The following MSRB3 variants were observed in gnomAD, a reference collection of about 807,000 sequenced individuals.
The protein encoded by MSRB3 is methionine-R-sulfoxide reductase B3.
In MSRB3, 13 loss-of-function variants were observed where a neutral mutation model predicts 21.0. The observed-to-expected ratio is 0.62, with a 90% CI of 0.40 to 0.98. The LOEUF (loss-of-function observed/expected upper bound fraction) is 0.98. Among genes scored for constraint, MSRB3 ranks in the 50% least tolerant of loss-of-function variants. The probability of loss-of-function intolerance (pLI) is 0.00; values close to 1 mark genes in which losing one functional copy is unlikely to be tolerated. For synonymous variants in MSRB3, 87 were observed against 88.6 expected (o/e 0.98, Z 0.10); for missense variants, 199 against 230.3 (o/e 0.86, Z 0.88).
At chr12:65,304,198 T>C (rs965208606) in intron 1 of MSRB3, among the ~76,000 whole-genome samples, 3 of 152,148 alleles carry the variant, frequency 2.0e-5, no homozygotes, top group African/African-American at 7.2e-5. Context: ...ACCCTTTATA[T>C]TGGTTAGCAT....
chr12:65,357,119 A>T (rs1877429821), intron 4 of MSRB3, among the ~76,000 whole-genome samples: 1 of 151,838 alleles, frequency 6.6e-6, no homozygotes, highest in Non-Finnish European at 1.5e-5. Context: ...TCTTCCCCAT[A>T]TACTAAATGA....
chr12:65,331,884 G>A (rs1282249705), intron 4 of MSRB3, among the ~76,000 whole-genome samples: 4 of 152,226 alleles, frequency 2.6e-5, no homozygotes, highest in African/African-American at 9.6e-5. Flanking sequence ...AAGCCTGGAA[G>A]CAGAGAAACT....
intron 1 of MSRB3, among the ~76,000 whole-genome samples, chr12:65,301,105 C>G (rs548152267): frequency 1.3e-5 from 2 of 152,226 alleles, no homozygotes; most frequent in African/African-American, 4.8e-5. Flanking sequence ...TACACACACA[C>G]AGACACACAC....
intron 4 of MSRB3, among the ~76,000 whole-genome samples, chr12:65,346,138 T>G (rs1164443558): frequency 6.6e-6 from 1 of 152,010 alleles, no homozygotes; most frequent in African/African-American, 2.4e-5. Flanking sequence ...TTTCTAGTTC[T>G]AGATCCCTGA....
At chr12:65,395,933 G>A (rs1879754035) in intron 5 of MSRB3, among the ~76,000 whole-genome samples, 1 of 152,034 alleles carries the variant, frequency 6.6e-6, no homozygotes, top group African/African-American at 2.4e-5. Flanking sequence ...TATCAATATT[G>A]TTGATCTTTT....
At chr12:65,336,308 TA>T (rs145465864) in intron 4 of MSRB3, among the ~76,000 whole-genome samples, 1 of 152,334 alleles carries the variant, frequency 6.6e-6, no homozygotes, top group African/African-American at 2.4e-5. Context: ...ACTAGAAAAC[TA>T]TCGCAAGGCA....
intron 5 of MSRB3, among the ~76,000 whole-genome samples, chr12:65,434,573 C>T (rs561752557): frequency 2.0e-5 from 3 of 151,826 alleles, no homozygotes; most frequent in East Asian, 3.9e-4. Flanking sequence ...TATTAATAAG[C>T]GTTGGGACTT....
At chr12:65,385,170 C>T (rs562196286) in intron 5 of MSRB3, among the ~76,000 whole-genome samples, 42 of 152,124 alleles carry the variant, frequency 2.8e-4, no homozygotes, top group Non-Finnish European at 5.2e-4. Flanking sequence ...CAGCCTGTCT[C>T]CGAAAGGATA....
intron 4 of MSRB3, among the ~76,000 whole-genome samples, chr12:65,363,971 C>T (rs901464805): frequency 2.0e-5 from 3 of 152,112 alleles, no homozygotes; most frequent in African/African-American, 7.2e-5. Flanking sequence ...GAGATTCTGT[C>T]TTAAAAACAC....
intron 4 of MSRB3, among the ~76,000 whole-genome samples, chr12:65,352,882 A>T (rs1026529630): frequency 6.6e-6 from 1 of 151,790 alleles, no homozygotes; most frequent in African/African-American, 2.4e-5. Flanking sequence ...GAAAATGGCC[A>T]TACTGCCCAA....
At chr12:65,363,984 A>G (rs1008834355) in intron 4 of MSRB3, among the ~76,000 whole-genome samples, 1 of 152,128 alleles carries the variant, frequency 6.6e-6, no homozygotes, top group Non-Finnish European at 1.5e-5. Context: ...AAAAACACAC[A>G]AACAAACAAA....
intron 5 of MSRB3, among the ~76,000 whole-genome samples, chr12:65,406,196 A>G (rs561760948): frequency 6.6e-6 from 1 of 152,320 alleles, no homozygotes; most frequent in East Asian, 1.9e-4. Context: ...GTAGTTTTAC[A>G]GTTTCAAGTT....
intron 2 of MSRB3, among the ~76,000 whole-genome samples, chr12:65,309,577 G>A (rs758561947): frequency 6.6e-6 from 1 of 152,106 alleles, no homozygotes; most frequent in Non-Finnish European, 1.5e-5. Context: ...TAGACTAGAG[G>A]TATTTATACT....
chr12:65,373,962 A>C (rs554886741), intron 5 of MSRB3, among the ~76,000 whole-genome samples: 1 of 152,290 alleles, frequency 6.6e-6, no homozygotes, highest in African/African-American at 2.4e-5. Context: ...GGAAAAATAG[A>C]GTGGGGCTGT....
intron 4 of MSRB3, among the ~76,000 whole-genome samples, chr12:65,332,475 G>A (rs1014090722): frequency 7.2e-5 from 11 of 152,060 alleles, no homozygotes; most frequent in Non-Finnish European, 1.3e-4. Context: ...TAATCACACC[G>A]GGGCCTGTTG....
intron 1 of MSRB3, among the ~76,000 whole-genome samples, chr12:65,287,380 G>C (rs1417669518): frequency 6.6e-6 from 1 of 152,076 alleles, no homozygotes; most frequent in Non-Finnish European, 1.5e-5. Context: ...CTCCCACCTT[G>C]GCCTCTCAAA....
At chr12:65,433,144 C>G (rs1334134096) in intron 5 of MSRB3, among the ~76,000 whole-genome samples, 1 of 151,892 alleles carries the variant, frequency 6.6e-6, no homozygotes, top group Non-Finnish European at 1.5e-5. Context: ...GAATTGAAAG[C>G]AGAGACTCAA....
chr12:65,309,129 A>G (rs1873832855), intron 2 of MSRB3: 1 of 180,146 alleles, frequency 5.6e-6, no homozygotes, highest in Non-Finnish European at 1.2e-5. Context: ...AAAAAGAAAG[A>G]AAGTTCTACT....
intron 5 of MSRB3, among the ~76,000 whole-genome samples, chr12:65,440,297 G>A (rs1269255448): frequency 2.0e-5 from 3 of 151,612 alleles, no homozygotes; most frequent in East Asian, 1.9e-4. Flanking sequence ...GCAAAAAAAA[G>A]GACAGGCATA....
Sources: allele counts gnomAD v4.1 joint callset (sites outside exome capture counted in the v4.1 genomes callset), GRCh38; gene constraint gnomAD v4.1.1; transcripts MANE v1.5; gene names NCBI Gene and HGNC (gene_info 2026-07-23, HGNC 2026-07-21).